The following OSBPL3 variants were observed in gnomAD, a reference collection of about 807,000 sequenced individuals.
The protein encoded by OSBPL3 is oxysterol-binding protein-related protein 3.
In OSBPL3, 65 loss-of-function variants were observed where a neutral mutation model predicts 120.1. That is an observed-to-expected ratio of 0.54 (90% CI 0.44 to 0.67). The LOEUF is 0.67. Ranked by LOEUF, OSBPL3 falls within the 30% of genes least tolerant of loss-of-function variation. The pLI is 0.00. For synonymous variants in OSBPL3, 416 were observed against 402.6 expected, an observed-to-expected ratio of 1.03 and a Z score of -0.40; for missense variants, 1,004 against 1,082.1, an observed-to-expected ratio of 0.93 and a Z score of 1.01.
intron 5 of OSBPL3, among the ~76,000 whole-genome samples, chr7:24,868,101 G>A (rs899826231): frequency 1.3e-5 from 2 of 152,182 alleles, no homozygotes; most frequent in East Asian, 3.8e-4. Flanking sequence ...GGTGGATCAT[G>A]AGGTCAGGAG....
Position 24,863,408 on chromosome 7 carries a change from C to A in OSBPL3, c.777+88G>T. The A allele has an allele frequency of 7.3e-7, 1 of 1,360,596 alleles. No homozygotes were observed. Among genetic ancestry groups the A allele is most frequent in the South Asian group, 1.2e-5 (1 of 85,590 alleles). The allele number at this position is 1,360,596 out of a possible 1,614,324, so 84.3% of individuals were successfully genotyped here. ...CTTGACTTTGGCTGAAGCAACTGAC[C>A]ACAGCATCCCACTGTTAGTGAAAGG... On this transcript the variant is annotated intron_variant, in intron 8 of 22. Transcript: ENST00000313367. This position sits in a 1 kb window ranked among gnomAD's most constrained non-coding sequence, Gnocchi z 5.8.
chr7:24,856,812 T>G (rs1159548141), intron 10 of OSBPL3, among the ~76,000 whole-genome samples: 1 of 152,204 alleles, frequency 6.6e-6, no homozygotes, highest in Non-Finnish European at 1.5e-5. Context: ...AATGTTAACA[T>G]TCCTAATATA....
In OSBPL3 at chr7:24,967,382, C is replaced by A. The variant is rs1473650867; in HGVS notation, c.-150+12504G>T. 6.6e-6 allele frequency among the ~76,000 whole-genome samples: 1 copy of A among 152,158 alleles called. No homozygotes were observed. Among genetic ancestry groups the A allele is most frequent in the African/African-American group, 2.4e-5 (1 of 41,440 alleles). On this transcript the variant is annotated intron_variant, in intron 1 of 22. Transcript: ENST00000313367. This position sits in a 1 kb window ranked among gnomAD's most constrained non-coding sequence, Gnocchi z 5.6. ...ATCACTCCCCTCTACCTGAAATGTC[C>A]TTCTCTCCCATTTCTCTACCTTTTG...
At position 24,802,427 on chromosome 7, in the gene OSBPL3, T is replaced by C. The variant is rs1415132122; in HGVS notation, c.2567+1888A>G. Among the ~76,000 whole-genome samples the C allele has an allele frequency of 6.6e-6, 1 of 152,370 alleles. No homozygotes were observed. Among genetic ancestry groups the C allele is most frequent in the East Asian group, 1.9e-4 (1 of 5,188 alleles). On this transcript the variant is annotated intron_variant, in intron 22 of 22. Transcript: ENST00000313367. This position sits in a 1 kb window ranked among gnomAD's most constrained non-coding sequence, Gnocchi z 4.1. Reference sequence around the variant, plus strand: ...AAAATTTTCCCATCTAATACTATGATCATTTTACAGACAGTCAAAAAGAAA... The same window carrying C: ...AAAATTTTCCCATCTAATACTATGACCATTTTACAGACAGTCAAAAAGAAA...
chr7:24,954,666 G>A (rs144451249), intron 1 of OSBPL3, among the ~76,000 whole-genome samples: 1 of 151,980 alleles, frequency 6.6e-6, no homozygotes, highest in Admixed American at 6.6e-5. Context: ...AATAAACTTA[G>A]GTTCTTCCAA....
chr7:24,957,653 T>C (rs1815230115), intron 1 of OSBPL3, among the ~76,000 whole-genome samples: 1 of 152,206 alleles, frequency 6.6e-6, no homozygotes, highest in Non-Finnish European at 1.5e-5. Context: ...CTTAAATTCC[T>C]GAGTCTCAAC....
Position 24,845,384 on chromosome 7 carries a change from T to TAAA in OSBPL3, c.1267-2974_1267-2972dup, listed in dbSNP as rs34559902. On this transcript the variant is annotated intron_variant, in intron 12 of 22. Transcript: ENST00000313367. Reference sequence around the variant, plus strand: ...GAATTTACAAATATTGCAAAATAAGTAAAAAAAAAAAAAAAAAAAAAAAAA... The same window carrying TAAA: ...GAATTTACAAATATTGCAAAATAAGTAAAAAAAAAAAAAAAAAAAAAAAAAAAA... Among the ~76,000 whole-genome samples, 56 of 62,258 alleles carry TAAA rather than the reference T, an allele frequency of 9.0e-4. 3 individuals are homozygous for TAAA. The highest frequency in any genetic ancestry group is 2.4e-3 in the East Asian group (4 of 1,692). The allele number at this position is 62,258 out of a possible 152,430, so 40.8% of individuals were successfully genotyped here.
chr7:24,820,791 A>AT lies in OSBPL3; in HGVS notation c.1885-554dup, dbSNP rs200147800. Among the ~76,000 whole-genome samples, 1 of 145,270 alleles carries AT rather than the reference A, an allele frequency of 6.9e-6. No individual in the cohort carries two copies. Among genetic ancestry groups the AT allele is most frequent in the Non-Finnish European group, 1.5e-5 (1 of 67,346 alleles). On this transcript the variant is annotated intron_variant, in intron 16 of 22. Coordinates refer to ENST00000313367, the MANE Select transcript of OSBPL3 (RefSeq NM_015550.4). This position sits in a 1 kb window ranked among gnomAD's most constrained non-coding sequence, Gnocchi z 4.6. ...CCTACAAGAAGACCAATGCAAGGTA[A>AT]TTTTTTTAAAAAAGAGTGTTTCTAT... is the stretch of plus-strand genomic sequence containing the variant.
At chr7:24,882,738 C>T (rs997309337) in intron 2 of OSBPL3, among the ~76,000 whole-genome samples, 19 of 152,154 alleles carry the variant, frequency 1.2e-4, no homozygotes, top group Admixed American at 1.3e-4. Context: ...TCCTCACCAA[C>T]ATGTTGTTGT....
chr7:24,905,293 G>A (rs1054653850), intron 1 of OSBPL3, among the ~76,000 whole-genome samples: 4 of 151,856 alleles, frequency 2.6e-5, no homozygotes, highest in Admixed American at 6.6e-5. Context: ...TGAAACCCAC[G>A]ACAGAGAAGA....
chr7:24,960,924 C>T (rs1311637721), intron 1 of OSBPL3, among the ~76,000 whole-genome samples: 2 of 152,174 alleles, frequency 1.3e-5, no homozygotes, highest in African/African-American at 4.8e-5. Context: ...CCTTGCCCAC[C>T]TTCGGGAAGT....
chr7:24,960,480 T>C (rs1815595516), intron 1 of OSBPL3, among the ~76,000 whole-genome samples: 1 of 152,046 alleles, frequency 6.6e-6, no homozygotes, highest in African/African-American at 2.4e-5. Flanking sequence ...AAAATCAATA[T>C]ATCGAAAACT....
rs113952582 is a variant in OSBPL3 at position 24,966,043 on chromosome 7, C to G, written c.-150+13843G>C. On this transcript the variant is annotated intron_variant, in intron 1 of 22. Coordinates refer to ENST00000313367, the MANE Select transcript of OSBPL3 (RefSeq NM_015550.4). This position sits in a 1 kb window ranked among gnomAD's most constrained non-coding sequence, Gnocchi z 4.8. Reference sequence around the variant, plus strand: ...CATTGACACCTGGCTAAGTCTCACACAAGTCATCTGAGAGAGAGGAGAAAC... The same window carrying G: ...CATTGACACCTGGCTAAGTCTCACAGAAGTCATCTGAGAGAGAGGAGAAAC... Among the ~76,000 whole-genome samples the G allele has an allele frequency of 0.018, 2,678 of 152,256 alleles. 86 individuals carry two copies. The highest frequency in any genetic ancestry group is 0.059 in the African/African-American group (2,462 of 41,542).
chr7:24,849,146 G>A lies in OSBPL3; in HGVS notation c.1189C>T (p.Arg397Cys), dbSNP rs753058783. The A allele has an allele frequency of 1.8e-5, 29 of 1,613,758 alleles. No homozygotes were observed. Among genetic ancestry groups the A allele is most frequent in the Admixed American group, 5.0e-5 (3 of 60,004 alleles). The change falls in exon 12 of 23, where the codon CGC becomes TGC. Residue 397 changes from arginine (R) to cysteine (C), a missense_variant. This residue lies in a region of OSBPL3 where 272 missense variants were observed against 248.8 expected (regional missense o/e 1.09). Transcript: ENST00000313367. This position sits in a 1 kb window ranked among gnomAD's most constrained non-coding sequence, Gnocchi z 5.4. Reference sequence around the variant, plus strand: ...GACTCGGCATGGATTCTGCGTAAGCGTTCTTTAAGATCTGTGTTTTGTGCT... The same window carrying A: ...GACTCGGCATGGATTCTGCGTAAGCATTCTTTAAGATCTGTGTTTTGTGCT... ...ALAQNTDLKERLRRIHAESLL... is the reference protein window; with the variant it reads ...ALAQNTDLKECLRRIHAESLL...
rs1174661812 is a variant in OSBPL3, at chr7:24,805,065, T to A, written c.2445-628A>T. ...AATAAATGACCTTGTATATCCATCATTTTACATGAGTAAGTAGGAAAAATC... is the reference window on the plus strand; with the variant it reads ...AATAAATGACCTTGTATATCCATCAATTTACATGAGTAAGTAGGAAAAATC... On this transcript the variant is annotated intron_variant, in intron 21 of 22. Transcript: ENST00000313367. The surrounding 1 kb of genome is among the most constrained non-coding windows in gnomAD (Gnocchi z 4.0). Among the ~76,000 whole-genome samples, 3 of 152,252 alleles carry A rather than the reference T, an allele frequency of 2.0e-5. No individual in the cohort carries two copies. Among genetic ancestry groups the A allele is most frequent in the Non-Finnish European group, 4.4e-5 (3 of 68,042 alleles).
chr7:24,800,392 G>T, intron 22 of OSBPL3, 113 bp from the exon 23 acceptor site: 1 of 610,990 alleles, frequency 1.6e-6, no homozygotes, highest in African/African-American at 1.9e-5. Flanking sequence ...CATGCATTCA[G>T]CGTCCCAGAG....
At position 24,804,182 on chromosome 7, in the gene OSBPL3, C is replaced by A. The variant is rs1281796602; in HGVS notation, c.2567+133G>T. 1 of 1,015,840 alleles carries A rather than the reference C, an allele frequency of 9.8e-7. No individual in the cohort carries two copies. The allele number at this position is 1,015,840 out of a possible 1,614,324, so 62.9% of individuals were successfully genotyped here. A position where few individuals can be genotyped will look rare whatever the true frequency, so the allele number is the denominator to read the frequency against. On this transcript the variant is annotated intron_variant, in intron 22 of 22. Transcript: ENST00000313367. The surrounding 1 kb of genome is among the most constrained non-coding windows in gnomAD (Gnocchi z 5.4). ...CAGGGCCTGGCACAGAGGAGCAGTA[C>A]CCCCACGTGGAAGCAGGAAAAGCCT...
intron 1 of OSBPL3, among the ~76,000 whole-genome samples, chr7:24,931,012 C>T (rs748563256): frequency 6.6e-6 from 1 of 152,162 alleles, no homozygotes; most frequent in Non-Finnish European, 1.5e-5. Context: ...AAGACAGATG[C>T]TCCCAGACAT....
Position 24,952,777 on chromosome 7 carries a change from T to C in OSBPL3, c.-150+27109A>G, listed in dbSNP as rs560403727. Among the ~76,000 whole-genome samples the C allele has an allele frequency of 6.6e-6, 1 of 152,192 alleles. No homozygotes were observed. The highest frequency in any genetic ancestry group is 2.4e-5 in the African/African-American group (1 of 41,430). On this transcript the variant is annotated intron_variant, in intron 1 of 22. Coordinates refer to ENST00000313367, the MANE Select transcript of OSBPL3 (RefSeq NM_015550.4). The surrounding 1 kb of genome is among the most constrained non-coding windows in gnomAD (Gnocchi z 4.4). Reference sequence around the variant, plus strand: ...GCTGAATCTATAAACAAGAGTACCATCAAGGTTCCCAGATTTAAAATATTT... The same window carrying C: ...GCTGAATCTATAAACAAGAGTACCACCAAGGTTCCCAGATTTAAAATATTT...
Sources: gnomAD v4.1 joint callset for allele counts (sites outside exome capture counted in the v4.1 genomes callset) on GRCh38, gnomAD v4.1.1 for gene constraint, gnomAD v4.1.1 regional missense constraint, Gnocchi (gnomAD v3.1) non-coding constraint, MANE v1.5 for transcripts, NCBI Gene and HGNC (gene_info 2026-07-23, HGNC 2026-07-21) for gene names.